Variants in OSBPL9 observed in about 807,000 individuals in gnomAD.
OSBPL9 encodes the protein oxysterol binding protein like 9.
A neutral mutation model predicts 106.6 loss-of-function variants in OSBPL9; 40 were observed. The observed-to-expected ratio is 0.38, with a 90% CI of 0.29 to 0.49. OSBPL9 has a LOEUF of 0.49. Among genes scored for constraint, OSBPL9 ranks in the 20% least tolerant of loss-of-function variants. The pLI is 0.97. For synonymous variants in OSBPL9, 269 were observed against 295.4 expected, an observed-to-expected ratio of 0.91 and a Z score of 0.92; for missense variants, 609 against 887.2, an observed-to-expected ratio of 0.69 and a Z score of 3.98.
chr1:51,526,137 A>C, the OSBPL9 span, among the ~76,000 whole-genome samples: 43 of 152,210 alleles, frequency 2.8e-4, no homozygotes, highest in African/African-American at 1.0e-3. Flanking sequence ...TTGGCCTCCC[A>C]AAACGCTGGG....
At chr1:51,537,185 CTTAA>C in the OSBPL9 span, among the ~76,000 whole-genome samples, 1,480 of 152,198 alleles carry the variant, frequency 9.7e-3, 77 homozygotes, top group East Asian at 0.13. Context: ...CTAATGTATT[CTTAA>C]TTTATTTAAT....
intron 17 of OSBPL9, 146 bp from the exon 18 acceptor site, chr1:51,783,769 A>G (rs1165946608): frequency 1.8e-5 from 11 of 625,124 alleles, no homozygotes; most frequent in Non-Finnish European, 2.8e-5. Flanking sequence ...AGGGTATAAA[A>G]GGCAGGTAGG....
At chr1:51,640,427 T>C (rs1403971444) in intron 1 of OSBPL9, among the ~76,000 whole-genome samples, 2 of 152,222 alleles carry the variant, frequency 1.3e-5, no homozygotes, top group Non-Finnish European at 2.9e-5. Flanking sequence ...ATTAAGTAGT[T>C]ACAATCAAGA....
intron 4 of OSBPL9, among the ~76,000 whole-genome samples, chr1:51,741,526 C>T (rs1362750955): frequency 1.3e-5 from 2 of 149,812 alleles, no homozygotes; most frequent in Non-Finnish European, 3.0e-5. Context: ...CTTCCCTTCC[C>T]TCTCTCCCCA....
intron 3 of OSBPL9, among the ~76,000 whole-genome samples, chr1:51,684,570 G>A (rs770400015): frequency 9.9e-5 from 15 of 151,802 alleles, no homozygotes; most frequent in Admixed American, 2.6e-4. Flanking sequence ...TTGCTCTGTC[G>A]CCCAGGCTGG....
At chr1:51,730,222 C>A in intron 4 of OSBPL9, 1 of 1,153,746 alleles carries the variant, frequency 8.7e-7, no homozygotes, top group African/African-American at 1.6e-5. Flanking sequence ...GCCTCCAGTT[C>A]CACCGAGAGG....
intron 2 of OSBPL9, among the ~76,000 whole-genome samples, chr1:51,665,775 G>GT (rs1216361267): frequency 5.9e-5 from 9 of 152,108 alleles, no homozygotes; most frequent in Non-Finnish European, 1.3e-4. Context: ...AGAAAGTAAT[G>GT]TTTTTTTCCA....
upstream of OSBPL9, chr1:51,614,484 T>C (rs887929313): frequency 2.0e-5 from 3 of 152,046 alleles, no homozygotes; most frequent in African/African-American, 4.8e-5. Flanking sequence ...TTTATTTTTT[T>C]TGTAGAGATG....
intron 1 of OSBPL9, among the ~76,000 whole-genome samples, chr1:51,636,082 ATGTGTGTGTGTG>A (rs35392929): frequency 7.2e-6 from 1 of 139,646 alleles, no homozygotes. Flanking sequence ...ATGTATGTAT[ATGTGTGTGTGTG>A]TGTGTGTGTG....
At chr1:51,554,404 G>A in the OSBPL9 span, among the ~76,000 whole-genome samples, 2 of 152,122 alleles carry the variant, frequency 1.3e-5, no homozygotes, top group South Asian at 2.1e-4. Context: ...AAAAATATAA[G>A]AGACTCATAG....
At chr1:51,769,999 C>T (rs1401169810) in intron 12 of OSBPL9, among the ~76,000 whole-genome samples, 1 of 152,138 alleles carries the variant, frequency 6.6e-6, no homozygotes, top group Admixed American at 6.5e-5. Context: ...GACAGAGGGT[C>T]TCACTCTATC....
At chr1:51,668,038 T>A (rs1376572593) in intron 2 of OSBPL9, among the ~76,000 whole-genome samples, 1 of 152,202 alleles carries the variant, frequency 6.6e-6, no homozygotes, top group Non-Finnish European at 1.5e-5. Context: ...TTCCCTAATA[T>A]TCCTGGTATA....
chr1:51,559,136 G>C, the OSBPL9 span, among the ~76,000 whole-genome samples: 2 of 152,132 alleles, frequency 1.3e-5, no homozygotes, highest in African/African-American at 2.4e-5. Context: ...GGGATGGGGA[G>C]GGGATCTGGG....
chr1:51,734,989 C>T (rs576224514), intron 4 of OSBPL9, among the ~76,000 whole-genome samples: 8 of 152,180 alleles, frequency 5.3e-5, no homozygotes, highest in Non-Finnish European at 1.0e-4. Context: ...GGGAATATGC[C>T]TTTTCTGGTT....
intron 1 of OSBPL9, among the ~76,000 whole-genome samples, chr1:51,650,533 T>G (rs1347230796): frequency 6.6e-6 from 1 of 152,168 alleles, no homozygotes; most frequent in African/African-American, 2.4e-5. Context: ...TTGAGAAATT[T>G]TTTTCCTAAA....
chr1:51,680,759 TC>T (rs1652376200), intron 3 of OSBPL9, among the ~76,000 whole-genome samples: 3 of 152,344 alleles, frequency 2.0e-5, no homozygotes, highest in Middle Eastern at 3.4e-3. Flanking sequence ...CACATTTTTC[TC>T]CATTTTCTCC....
intron 1 of OSBPL9, among the ~76,000 whole-genome samples, chr1:51,640,800 A>AT (rs35721198): frequency 0.042 from 6,095 of 143,836 alleles, 146 homozygotes; most frequent in Middle Eastern, 0.065. Context: ...TGTAAAGATA[A>AT]TTTTTTTTTT....
chr1:51,692,933 A>G (rs1011187560), intron 3 of OSBPL9, among the ~76,000 whole-genome samples: 23 of 152,192 alleles, frequency 1.5e-4, no homozygotes, highest in Non-Finnish European at 4.4e-5. Context: ...ATGGGAATTG[A>G]GAATGCTCGG....
At chr1:51,763,838 G>A (rs187198157) in intron 11 of OSBPL9, among the ~76,000 whole-genome samples, 3 of 152,010 alleles carry the variant, frequency 2.0e-5, no homozygotes, top group Admixed American at 2.0e-4. Context: ...GTTGTTGTTC[G>A]TATTTTTATG....
Sources: gnomAD v4.1 joint callset for allele counts (sites outside exome capture counted in the v4.1 genomes callset) on GRCh38, gnomAD v4.1.1 for gene constraint, MANE v1.5 for transcripts, NCBI Gene and HGNC (gene_info 2026-07-23, HGNC 2026-07-21) for gene names.